OLA1: variants seen among roughly 807,000 people sequenced by gnomAD.
The protein encoded by OLA1 is Obg like ATPase 1.
OLA1 carries 14 observed loss-of-function variants against 48.4 expected under a neutral mutation model. That is an observed-to-expected ratio of 0.29 (90% CI 0.19 to 0.45). The LOEUF is 0.45. Ranked by LOEUF, OLA1 falls within the 20% of genes least tolerant of loss-of-function variation. The pLI is 1.00. For missense variants in OLA1, 325 were observed against 467.1 expected, an observed-to-expected ratio of 0.70 and a Z score of 2.80; for synonymous variants, 127 against 150.4, an observed-to-expected ratio of 0.84 and a Z score of 1.14.
rs1684699317 is a variant in OLA1, at chr2:174,075,137, G to A, written c.*289C>T. On this transcript the variant is annotated 3_prime_UTR_variant, in exon 11 of 11. Coordinates refer to ENST00000284719, the MANE Select transcript of OLA1 (RefSeq NM_013341.5). ...TGTGTCAGGCTTGGCATACATGATG[G>A]AGATTAATGAAGTATCATGAGAGTA... 3.4e-6 allele frequency: 1 copy of A among 290,430 alleles called. No individual in the cohort carries two copies. Among genetic ancestry groups the A allele is most frequent in the Non-Finnish European group, 6.5e-6 (1 of 154,452 alleles). 18.0% of individuals were successfully genotyped at this position (290,430 alleles called of 1,614,324 possible).
chr2:174,207,493 G>A (rs775309813), intron 4 of OLA1, among the ~76,000 whole-genome samples: 11 of 152,238 alleles, frequency 7.2e-5, no homozygotes, highest in Middle Eastern at 3.4e-3. Flanking sequence ...CACCTACATC[G>A]ATTGATGTTA....
chr2:174,096,428 T>C (rs2105349590), intron 7 of OLA1, among the ~76,000 whole-genome samples: 1 of 152,316 alleles, frequency 6.6e-6, no homozygotes, highest in East Asian at 1.9e-4. Context: ...ATGTGAATTA[T>C]ATCTAAAAAA....
At chr2:174,174,525 A>C (rs1474379943) in intron 4 of OLA1, among the ~76,000 whole-genome samples, 1 of 152,094 alleles carries the variant, frequency 6.6e-6, no homozygotes, top group Admixed American at 6.5e-5. Context: ...AACTACTTCA[A>C]CCTGATTAAG....
chr2:174,107,470 G>T (rs766417936), intron 7 of OLA1, among the ~76,000 whole-genome samples: 8 of 152,060 alleles, frequency 5.3e-5, no homozygotes, highest in Non-Finnish European at 1.2e-4. Flanking sequence ...AGAGTTAAAA[G>T]CTATAGGTAA....
intron 3 of OLA1, among the ~76,000 whole-genome samples, chr2:174,227,101 A>C (rs991859832): frequency 1.3e-5 from 2 of 151,980 alleles, no homozygotes; most frequent in Non-Finnish European, 2.9e-5. Flanking sequence ...CTTTAAAAAA[A>C]AAAAGAAAGA....
chr2:174,233,019 C>T (rs931321335), intron 2 of OLA1, among the ~76,000 whole-genome samples: 1 of 152,026 alleles, frequency 6.6e-6, no homozygotes, highest in Non-Finnish European at 1.5e-5. Flanking sequence ...ATTACTCAGC[C>T]CTTAAAAAGA....
At chr2:174,215,697 A>T (rs1408492353) in intron 4 of OLA1, among the ~76,000 whole-genome samples, 2 of 152,218 alleles carry the variant, frequency 1.3e-5, no homozygotes, top group Non-Finnish European at 2.9e-5. Context: ...ACACTTACAG[A>T]CCATACATGG....
chr2:174,154,523 G>A (rs757054726), intron 4 of OLA1, among the ~76,000 whole-genome samples: 4 of 123,390 alleles, frequency 3.2e-5, no homozygotes, highest in Non-Finnish European at 6.8e-5. Context: ...AATTACATCC[G>A]TCCTTAAAAT....
intron 5 of OLA1, among the ~76,000 whole-genome samples, chr2:174,126,960 T>G (rs1309598197): frequency 6.6e-6 from 1 of 152,240 alleles, no homozygotes; most frequent in South Asian, 2.1e-4. Flanking sequence ...CTTAACATTC[T>G]GCAAGAACTA....
intron 4 of OLA1, among the ~76,000 whole-genome samples, chr2:174,209,717 A>G (rs1333135037): frequency 6.6e-6 from 1 of 152,228 alleles, no homozygotes; most frequent in African/African-American, 2.4e-5. Flanking sequence ...GTCCCCTCCC[A>G]GGTGGCCTAA....
intron 5 of OLA1, 51 bp from the exon 6 acceptor site, chr2:174,123,726 G>C: frequency 1.1e-6 from 1 of 930,484 alleles, no homozygotes; most frequent in South Asian, 2.2e-5. Flanking sequence ...TAAACATTTA[G>C]ATACTAAATA....
At chr2:174,095,980 C>G (rs1184246556) in intron 7 of OLA1, among the ~76,000 whole-genome samples, 1 of 152,036 alleles carries the variant, frequency 6.6e-6, no homozygotes, top group African/African-American at 2.4e-5. Context: ...AGATGTTCAT[C>G]ATTAGTCATT....
chr2:174,119,119 T>C (rs1574491686), intron 7 of OLA1, among the ~76,000 whole-genome samples: 2 of 151,300 alleles, frequency 1.3e-5, no homozygotes, highest in East Asian at 3.9e-4. Context: ...GATTCCTGAA[T>C]GGGCAAAGGT....
chr2:174,243,196 A>G (rs868507747), intron 2 of OLA1, among the ~76,000 whole-genome samples: 1 of 152,110 alleles, frequency 6.6e-6, no homozygotes, highest in Non-Finnish European at 1.5e-5. Context: ...TTTAGTAGAG[A>G]TGGGGTTTCA....
chr2:174,226,400 C>T (rs145868816), intron 3 of OLA1, among the ~76,000 whole-genome samples: 1 of 151,866 alleles, frequency 6.6e-6, no homozygotes, highest in Non-Finnish European at 1.5e-5. Context: ...TTAGAACTCT[C>T]GAGACTAAAA....
intron 7 of OLA1, among the ~76,000 whole-genome samples, chr2:174,111,600 C>T (rs1558958915): frequency 6.6e-6 from 1 of 152,166 alleles, no homozygotes; most frequent in Non-Finnish European, 1.5e-5. Context: ...TATACATATA[C>T]ATATACGTAT....
rs146280511 is a variant in OLA1 at position 174,086,076 on chromosome 2, T to C, written c.729-4012A>G. 8.8e-3 allele frequency among the ~76,000 whole-genome samples: 1,344 copies of C among 152,268 alleles called. 11 individuals carry two copies. The highest frequency in any genetic ancestry group is 0.013 in the Non-Finnish European group (888 of 68,016). ...GAGATGTATCTATGGGGTAGTCTTG[T>C]GGTTACTTCTTCTAGGGAGAGATCT... On this transcript the variant is annotated intron_variant, in intron 7 of 10. Transcript: ENST00000284719.
At chr2:174,215,515 G>GA (rs1219879905) in intron 4 of OLA1, among the ~76,000 whole-genome samples, 1 of 151,442 alleles carries the variant, frequency 6.6e-6, no homozygotes, top group African/African-American at 2.4e-5. Context: ...GCAACAATTT[G>GA]AAAAAACTTG....
chr2:174,155,746 GAA>G (rs1686861646), intron 4 of OLA1, among the ~76,000 whole-genome samples: 1 of 152,122 alleles, frequency 6.6e-6, no homozygotes. Flanking sequence ...TAAAAAAAGA[GAA>G]AAAAGACAGA....
Sources: allele counts gnomAD v4.1 joint callset (sites outside exome capture counted in the v4.1 genomes callset), GRCh38; gene constraint gnomAD v4.1.1; transcripts MANE v1.5; gene names NCBI Gene and HGNC (gene_info 2026-07-23, HGNC 2026-07-21).